Variants in LUZP2 observed in about 807,000 individuals in gnomAD.
LUZP2 encodes the protein leucine zipper protein 2.
LUZP2 carries 52 observed loss-of-function variants against 51.6 expected under a neutral mutation model. That is an observed-to-expected ratio of 1.01 (90% CI 0.81 to 1.27). The LOEUF (loss-of-function observed/expected upper bound fraction) is 1.27, where lower values mean the gene tolerates loss of function less well. LUZP2 is among the 50% of genes most tolerant of loss of function. The probability of loss-of-function intolerance (pLI) is 0.00; values close to 1 mark genes in which losing one functional copy is unlikely to be tolerated. For missense variants in LUZP2, 436 were observed against 395.4 expected (o/e 1.10, Z -0.87); for synonymous variants, 154 against 137.3 (o/e 1.12, Z -0.85).
At chr11:24,724,139 C>G (rs571429840) in intron 1 of LUZP2, among the ~76,000 whole-genome samples, 48 of 152,166 alleles carry the variant, frequency 3.2e-4, no homozygotes, top group Non-Finnish European at 5.7e-4. Context: ...TCAAGTGTGT[C>G]CTTGGGATTT....
chr11:25,000,348 C>G (rs2133941686), intron 9 of LUZP2, among the ~76,000 whole-genome samples: 1 of 152,264 alleles, frequency 6.6e-6, no homozygotes, highest in Middle Eastern at 3.4e-3. Context: ...ACTGCTCTAG[C>G]TACTTCCTGC....
At chr11:24,573,270 C>T (rs188271069) in intron 1 of LUZP2, among the ~76,000 whole-genome samples, 1 of 152,056 alleles carries the variant, frequency 6.6e-6, no homozygotes, top group East Asian at 1.9e-4. Context: ...TATGCTTCTT[C>T]GTGGTTCTTA....
At chr11:25,078,465 T>C in intron 11 of LUZP2, 89 bp from the exon 12 acceptor site, 2 of 956,846 alleles carry the variant, frequency 2.1e-6, no homozygotes, top group Non-Finnish European at 1.6e-6. Context: ...TCTTTGAATT[T>C]CCATTCTTAT....
rs1443023734 is a variant in LUZP2 at position 25,011,733 on chromosome 11, T to C, written c.765+28440T>C. Among the ~76,000 whole-genome samples the C allele has an allele frequency of 1.1e-4, 16 of 152,242 alleles. No homozygotes were observed. In the East Asian group the frequency reaches 2.9e-3, roughly 28 times the overall value. On this transcript the variant is annotated intron_variant, in intron 9 of 11. Coordinates refer to ENST00000336930, the MANE Select transcript of LUZP2 (RefSeq NM_001009909.4). ...TGATGCATAATATTTTACATATTTA[T>C]GAGGCACATGTGATATTTTGTTGCA...
chr11:25,005,454 T>A (rs7931096), intron 9 of LUZP2, among the ~76,000 whole-genome samples: 59,030 of 151,944 alleles, frequency 0.39, 14,027 homozygotes, highest in East Asian at 0.87. Flanking sequence ...TTTTTCCCCA[T>A]CAGAGAGAGA....
At chr11:24,891,337 T>C (rs1852846933) in intron 5 of LUZP2, 1 of 926,630 alleles carries the variant, frequency 1.1e-6, no homozygotes, top group Admixed American at 6.2e-5. Flanking sequence ...TATGGAGATA[T>C]ATACATACTG....
intron 10 of LUZP2, among the ~76,000 whole-genome samples, chr11:25,070,352 T>C (rs12785402): frequency 6.6e-6 from 1 of 152,000 alleles, no homozygotes; most frequent in African/African-American, 2.4e-5. Flanking sequence ...ATAGACTACA[T>C]TTTAATAATC....
intron 2 of LUZP2, among the ~76,000 whole-genome samples, chr11:24,730,624 A>T (rs879357647): frequency 1.1e-4 from 16 of 151,822 alleles, no homozygotes; most frequent in African/African-American, 2.7e-4. Flanking sequence ...AAGAATACAA[A>T]GAAACCTGTA....
At chr11:24,764,490 T>TAAAAAAAAAAAAAAAAAAA (rs869045272) in intron 5 of LUZP2, among the ~76,000 whole-genome samples, 24 of 94,036 alleles carry the variant, frequency 2.6e-4, no homozygotes, top group African/African-American at 6.7e-4. Context: ...ATCTCATCTC[T>TAAAAAAAAAAAAAAAAAAA]AAAAAAAAAA....
intron 1 of LUZP2, among the ~76,000 whole-genome samples, chr11:24,728,793 G>C (rs962860364): frequency 1.3e-5 from 2 of 151,938 alleles, no homozygotes; most frequent in African/African-American, 4.8e-5. Flanking sequence ...TCACACTGCT[G>C]ATAAAGGCAT....
chr11:24,787,270 A>G lies in LUZP2; in HGVS notation c.396+23962A>G, dbSNP rs138656830. The stretch of plus-strand genomic sequence containing the variant: ...CATGACTCAAGCTAATGATGTTAAA[A>G]AAGATTGAGCTGATTGTAGACTGAT... On this transcript the variant is annotated intron_variant, in intron 5 of 11. Transcript: ENST00000336930. 3.8e-3 allele frequency among the ~76,000 whole-genome samples: 579 copies of G among 152,294 alleles called. 3 individuals carry two copies. Among genetic ancestry groups the G allele is most frequent in the African/African-American group, 0.011 (468 of 41,570 alleles).
At position 24,533,930 on chromosome 11, in the gene LUZP2, C is replaced by G. The variant is rs1590148111; in HGVS notation, c.62+36625C>G. On this transcript the variant is annotated intron_variant, in intron 1 of 11. Coordinates refer to ENST00000336930, the MANE Select transcript of LUZP2 (RefSeq NM_001009909.4). ...TCCTCAACATGACCCCCGTATCTTTCTGCTGCACTGTGTTGTGAAAGCCAC... is the reference window on the plus strand; with the variant it reads ...TCCTCAACATGACCCCCGTATCTTTGTGCTGCACTGTGTTGTGAAAGCCAC... 2.0e-5 allele frequency among the ~76,000 whole-genome samples: 3 copies of G among 151,310 alleles called. No homozygotes were observed. In the Admixed American group the frequency reaches 2.0e-4, roughly 10 times the overall value.
At chr11:24,997,463 GTTGT>G (rs1856541676) in intron 9 of LUZP2, among the ~76,000 whole-genome samples, 3 of 152,114 alleles carry the variant, frequency 2.0e-5, no homozygotes, top group Non-Finnish European at 4.4e-5. Flanking sequence ...TTTTGATGGG[GTTGT>G]TTGTCTTTTT....
chr11:24,535,127 C>A (rs1851136295), intron 1 of LUZP2, among the ~76,000 whole-genome samples: 1 of 115,674 alleles, frequency 8.6e-6, no homozygotes, highest in Non-Finnish European at 1.9e-5. Flanking sequence ...TTAAAAAATA[C>A]TTCATTGCTT....
chr11:24,980,927 AC>A (rs141243059), intron 8 of LUZP2, among the ~76,000 whole-genome samples: 1 of 151,952 alleles, frequency 6.6e-6, no homozygotes, highest in Non-Finnish European at 1.5e-5. Flanking sequence ...TCATTAAGGA[AC>A]TTGCATTTTA....
intron 5 of LUZP2, among the ~76,000 whole-genome samples, chr11:24,818,627 A>G (rs1327662785): frequency 1.3e-5 from 2 of 151,834 alleles, no homozygotes; most frequent in Non-Finnish European, 2.9e-5. Context: ...GGGAAGTTTT[A>G]CTTTGTCATT....
intron 5 of LUZP2, among the ~76,000 whole-genome samples, chr11:24,865,884 A>C (rs1463163970): frequency 6.6e-6 from 1 of 151,636 alleles, no homozygotes; most frequent in African/African-American, 2.4e-5. Context: ...ATCTTGGCTC[A>C]CTGCAACCTC....
At chr11:24,597,885 T>G (rs1853494919) in intron 1 of LUZP2, among the ~76,000 whole-genome samples, 1 of 152,070 alleles carries the variant, frequency 6.6e-6, no homozygotes, top group Admixed American at 6.5e-5. Flanking sequence ...GTGGAACACT[T>G]GAGGTCAGGA....
chr11:24,999,443 GAGA>G (rs1184285644), intron 9 of LUZP2, among the ~76,000 whole-genome samples: 1 of 151,088 alleles, frequency 6.6e-6, no homozygotes, highest in Non-Finnish European at 1.5e-5. Flanking sequence ...GAAGAAGGAG[GAGA>G]AGGAGAAAGA....
Sources: gnomAD v4.1 joint callset for allele counts (sites outside exome capture counted in the v4.1 genomes callset) on GRCh38, gnomAD v4.1.1 for gene constraint, MANE v1.5 for transcripts, NCBI Gene and HGNC (gene_info 2026-07-23, HGNC 2026-07-21) for gene names.